Variants in ARHGAP28 observed in about 807,000 individuals in gnomAD.
ARHGAP28 encodes the protein rho GTPase-activating protein 28.
ARHGAP28 carries 56 observed loss-of-function variants against 90.7 expected under a neutral mutation model. The ratio of observed to expected loss-of-function variants is 0.62; its 90% CI spans 0.50 to 0.77. The LOEUF (loss-of-function observed/expected upper bound fraction) is 0.77, where lower values mean the gene tolerates loss of function less well. ARHGAP28 is among the 30% of genes least tolerant of loss of function. ARHGAP28 has a pLI of 0.00. For synonymous variants in ARHGAP28, 308 were observed against 323.3 expected (o/e 0.95, Z 0.51); for missense variants, 869 against 900.9 (o/e 0.96, Z 0.45).
rs147702310 is a variant in ARHGAP28, at chr18:6,877,952, C to CTG, written c.1290+1760_1290+1761dup. Among the ~76,000 whole-genome samples the CTG allele has an allele frequency of 7.9e-4, 119 of 150,142 alleles. No homozygotes were observed. The Middle Eastern group carries it at 0.01, about 13-fold the overall frequency. On this transcript the variant is annotated intron_variant, in intron 10 of 17. Transcript: ENST00000383472. ...TTTGCACATATTCTTACTGGTTCCTCTGTGTGTGTGTGTGTGTATGTGCAT... is the reference window on the plus strand; with the variant it reads ...TTTGCACATATTCTTACTGGTTCCTCTGTGTGTGTGTGTGTGTGTATGTGCAT...
intron 1 of ARHGAP28, among the ~76,000 whole-genome samples, chr18:6,741,294 C>A (rs898926729): frequency 6.6e-6 from 1 of 152,160 alleles, no homozygotes; most frequent in Non-Finnish European, 1.5e-5. Context: ...CACAACTTAA[C>A]TCCTCTCCCT....
chr18:6,750,924 T>C (rs570694219), intron 1 of ARHGAP28, among the ~76,000 whole-genome samples: 6 of 152,294 alleles, frequency 3.9e-5, no homozygotes, highest in African/African-American at 1.4e-4. Context: ...GGGTCTAGAT[T>C]ATTTCCTTTA....
chr18:6,873,505 T>TTG lies in ARHGAP28; in HGVS notation c.1052_1053dup (p.Thr352Ter). On this transcript the variant is annotated frameshift_variant, in exon 8 of 18. Transcript: ENST00000383472. LOFTEE classifies it high-confidence loss of function. ...AATCCGCCATCTCTCTCTGATTGAA[T>TTG]TGACTGCCTTTTTTGATGCCTTTGG... 1 of 1,614,178 alleles carries TTG rather than the reference T, an allele frequency of 6.2e-7. No homozygotes were observed. Among genetic ancestry groups the TTG allele is most frequent in the Non-Finnish European group, 8.5e-7 (1 of 1,180,018 alleles).
chr18:6,841,180 C>CCTCTCTCTCTCTCTCTCTCTCT (rs143797436), intron 3 of ARHGAP28, among the ~76,000 whole-genome samples: 6 of 57,064 alleles, frequency 1.1e-4, no homozygotes, highest in Admixed American at 7.3e-4. Context: ...CTCTCTCTCT[C>CCTCTCTCTCTCTCTCTCTCTCT]CTCTCTCTCT....
chr18:6,776,101 G>A (rs2056281261), intron 1 of ARHGAP28, among the ~76,000 whole-genome samples: 1 of 152,152 alleles, frequency 6.6e-6, no homozygotes, highest in African/African-American at 2.4e-5. Flanking sequence ...CTAAAGACGA[G>A]TTTCTGGCTG....
At chr18:6,796,885 G>A (rs565781139) in intron 1 of ARHGAP28, among the ~76,000 whole-genome samples, 1 of 152,234 alleles carries the variant, frequency 6.6e-6, no homozygotes, top group East Asian at 1.9e-4. Context: ...AATTTTAAAT[G>A]ATTCTTAAAT....
intron 1 of ARHGAP28, among the ~76,000 whole-genome samples, chr18:6,752,717 G>A (rs1185154910): frequency 2.0e-5 from 3 of 152,136 alleles, no homozygotes; most frequent in Non-Finnish European, 2.9e-5. Flanking sequence ...AGTGCTGTGT[G>A]ACACAGCAGG....
At chr18:6,797,684 C>G (rs1283220523) in intron 1 of ARHGAP28, among the ~76,000 whole-genome samples, 1 of 147,798 alleles carries the variant, frequency 6.8e-6, no homozygotes, top group Non-Finnish European at 1.5e-5. Flanking sequence ...TTTTTTAAGT[C>G]GCAGTCTCAC....
intron 2 of ARHGAP28, among the ~76,000 whole-genome samples, chr18:6,831,164 AC>A (rs2143821365): frequency 6.6e-6 from 1 of 152,250 alleles, no homozygotes; most frequent in South Asian, 2.1e-4. Flanking sequence ...GGTTGTAATT[AC>A]ATTTCGCTGA....
chr18:6,776,739 A>G (rs188884640), intron 1 of ARHGAP28, among the ~76,000 whole-genome samples: 71 of 152,324 alleles, frequency 4.7e-4, no homozygotes, highest in African/African-American at 1.6e-3. Flanking sequence ...TCAGAGTGGT[A>G]CATAGGTTAT....
At chr18:6,849,252 CAAAA>C (rs35080791) in intron 3 of ARHGAP28, among the ~76,000 whole-genome samples, 19 of 88,222 alleles carry the variant, frequency 2.2e-4, no homozygotes, top group African/African-American at 5.9e-4. Context: ...GACCTTGTCT[CAAAA>C]AAAAAAAAAA....
rs749554860 is a variant in ARHGAP28, at chr18:6,851,055, C to A, written c.565C>A (p.His189Asn). 6.2e-7 allele frequency: 1 copy of A among 1,614,066 alleles called. No individual in the cohort carries two copies. Residue 189 changes from histidine to asparagine, a missense_variant, in exon 4 of 18, where the codon CAC (histidine) becomes AAC (asparagine). Transcript: ENST00000383472. The part of the protein sequence containing the change: ...ESPPRDTCGN[H>N]TNQLDGTKEE... ...TTAGCCTCGTGATACCTGTGGCAAC[C>A]ACACTAATCAGCTGGATGGCACCAA...
rs184587265 is a variant in ARHGAP28, at chr18:6,905,063, T to G, written c.2031-3897T>G. Among the ~76,000 whole-genome samples the G allele has an allele frequency of 3.9e-3, 591 of 152,176 alleles. 4 individuals carry two copies. In the South Asian group the frequency reaches 0.049, roughly 13 times the overall value. On this transcript the variant is annotated intron_variant, in intron 16 of 17. Coordinates refer to ENST00000383472, the MANE Select transcript of ARHGAP28 (RefSeq NM_001366230.1). Reference sequence around the variant, plus strand: ...AGGAGGAATGCTCCCTAACTCATTTTATGAAGCTTGTATTAATACCCTGAT... The same window carrying G: ...AGGAGGAATGCTCCCTAACTCATTTGATGAAGCTTGTATTAATACCCTGAT...
chr18:6,903,701 G>A (rs2057349448), intron 16 of ARHGAP28, among the ~76,000 whole-genome samples: 1 of 151,586 alleles, frequency 6.6e-6, no homozygotes, highest in Non-Finnish European at 1.5e-5. Context: ...CGTGGTGGTG[G>A]GCGCCTGTAA....
chr18:6,880,770 G>C (rs75512465), intron 10 of ARHGAP28, among the ~76,000 whole-genome samples: 1 of 152,074 alleles, frequency 6.6e-6, no homozygotes, highest in Non-Finnish European at 1.5e-5. Flanking sequence ...TGGCTGCATA[G>C]CACCAATACA....
At chr18:6,875,045 A>G (rs1418799272) in intron 9 of ARHGAP28, 4 of 152,218 alleles carry the variant, frequency 2.6e-5, no homozygotes, top group Non-Finnish European at 4.4e-5. Flanking sequence ...TGAAACCAGC[A>G]TTGTCTTTGT....
chr18:6,886,473 A>G (rs1166581481), intron 11 of ARHGAP28, among the ~76,000 whole-genome samples: 1 of 152,206 alleles, frequency 6.6e-6, no homozygotes, highest in African/African-American at 2.4e-5. Flanking sequence ...AACAATCTCC[A>G]AAGATCCAAC....
chr18:6,771,522 C>T (rs1219539132), intron 1 of ARHGAP28, among the ~76,000 whole-genome samples: 1 of 152,120 alleles, frequency 6.6e-6, no homozygotes, highest in Admixed American at 6.6e-5. Flanking sequence ...GAATTATGTT[C>T]CACATGATCT....
At chr18:6,876,822 T>C (rs1280247791) in intron 10 of ARHGAP28, among the ~76,000 whole-genome samples, 1 of 152,204 alleles carries the variant, frequency 6.6e-6, no homozygotes, top group African/African-American at 2.4e-5. Context: ...TGAATCTTAT[T>C]CTTTTGCTTT....
Sources: allele counts gnomAD v4.1 joint callset (sites outside exome capture counted in the v4.1 genomes callset), GRCh38; gene constraint gnomAD v4.1.1; transcripts MANE v1.5; gene names NCBI Gene and HGNC (gene_info 2026-07-23, HGNC 2026-07-21).